Variants in ADGRG1 observed in about 807,000 individuals in gnomAD.
ADGRG1 encodes the protein adhesion G protein-coupled receptor G1.
A neutral mutation model predicts 73.5 loss-of-function variants in ADGRG1; 53 were observed. That is an observed-to-expected ratio of 0.72 (90% confidence interval 0.58 to 0.91). ADGRG1 has a LOEUF of 0.91. Ranked by LOEUF, ADGRG1 falls within the 40% of genes least tolerant of loss-of-function variation. The pLI is 0.00. For missense variants in ADGRG1, 795 were observed against 871.8 expected (o/e 0.91, Z 1.11); for synonymous variants, 394 against 374.4 (o/e 1.05, Z -0.60).
intron 2 of ADGRG1, 85 bp from the exon 3 acceptor site, chr16:57,651,115 A>G (rs1597456686): frequency 3.1e-6 from 5 of 1,605,560 alleles, no homozygotes; most frequent in Non-Finnish European, 4.2e-6. Context: ...CCAGGTTCAC[A>G]TGTACTCAGC....
At chr16:57,650,186 C>T (rs564354148) in intron 1 of ADGRG1, 67 bp from the exon 2 acceptor site, 3 of 1,571,138 alleles carry the variant, frequency 1.9e-6, no homozygotes, top group African/African-American at 2.7e-5. Context: ...CTGGCCTCCT[C>T]TTCTGCAGGG....
At chr16:57,623,476 C>A (rs2035258388), upstream of ADGRG1, among the ~76,000 whole-genome samples, 1 of 152,368 alleles carries the variant, frequency 6.6e-6, no homozygotes, top group Admixed American at 6.5e-5. Flanking sequence ...GTCATGCTCG[C>A]CCCTCCTGTG....
At chr16:57,650,108 G>T in intron 1 of ADGRG1, 145 bp from the exon 2 acceptor site, 2 of 1,486,638 alleles carry the variant, frequency 1.3e-6, no homozygotes, top group African/African-American at 1.4e-5. Context: ...GCCTCTGGCC[G>T]CTCTGGGGAG....
Position 57,654,153 on chromosome 16 carries a change from A to C in ADGRG1, c.768+20A>C, listed in dbSNP as rs756715901. The stretch of plus-strand genomic sequence containing the variant: ...CAGGAGGTCAGGGGCAGGCCTGGGC[A>C]GGAAGCAGATGCGGGTTGGGCCGGG... On this transcript the variant is annotated intron_variant, in intron 5 of 13. Transcript: ENST00000562631. The C allele has an allele frequency of 6.2e-7, 1 of 1,607,088 alleles. No individual in the cohort carries two copies. Among genetic ancestry groups the C allele is most frequent in the Admixed American group, 1.7e-5 (1 of 59,952 alleles).
chr16:57,657,673 G>A (rs1186272674), intron 10 of ADGRG1, among the ~76,000 whole-genome samples, 182 bp downstream of exon 10: 2 of 152,234 alleles, frequency 1.3e-5, no homozygotes, highest in Non-Finnish European at 2.9e-5. Context: ...GATCAGTGGT[G>A]TTTGGATAAC....
chr16:57,657,717 A>G (rs539948096), intron 10 of ADGRG1, among the ~76,000 whole-genome samples: 45 of 152,126 alleles, frequency 3.0e-4, no homozygotes, highest in Non-Finnish European at 5.1e-4. Context: ...TCGACATTGT[A>G]TTTATTTATT....
upstream of ADGRG1, chr16:57,625,448 T>C: frequency 3.1e-6 from 1 of 324,048 alleles, no homozygotes; most frequent in Non-Finnish European, 4.4e-6. Flanking sequence ...GGGTGGGGTG[T>C]CCCAGCCCTT....
chr16:57,640,802 G>T, intron 1 of ADGRG1: 1 of 780,744 alleles, frequency 1.3e-6, no homozygotes, highest in Non-Finnish European at 1.6e-6. Context: ...AGGGAGGGTT[G>T]GTGGCCAGCC....
At chr16:57,627,848 G>A (rs1449025465), upstream of ADGRG1, 1 of 984,752 alleles carries the variant, frequency 1.0e-6, no homozygotes, top group East Asian at 1.1e-4. Flanking sequence ...GGAATGACCA[G>A]AAGGGGGATG....
chr16:57,653,947 C>G, intron 4 of ADGRG1, 39 bp from the exon 5 acceptor site: 1 of 1,612,832 alleles, frequency 6.2e-7, no homozygotes, highest in South Asian at 1.1e-5. Flanking sequence ...TGGCCCGGCC[C>G]CCTCCCCACC....
At chr16:57,635,928 T>C (rs1234555194) in intron 1 of ADGRG1, 1 of 985,260 alleles carries the variant, frequency 1.0e-6, no homozygotes, top group Non-Finnish European at 1.2e-6. Flanking sequence ...GTGCATATCC[T>C]ATGGTTTGCA....
In ADGRG1 at chr16:57,651,652, C is replaced by A. The variant is rs751306915; in HGVS notation, c.487+30C>A. On this transcript the variant is annotated intron_variant, in intron 3 of 13. Transcript: ENST00000562631. ...GGCAACTTCCAGGCGGAGGGAACAA[C>A]TGGGCAGTGGTCTAGAGGCAGGGAA... is the stretch of plus-strand genomic sequence containing the variant. The A allele has an allele frequency of 5.0e-6, 8 of 1,604,030 alleles. No individual in the cohort carries two copies. The South Asian group carries it at 8.9e-5, about 18-fold the overall frequency.
At chr16:57,639,021 G>T (rs1325138009) in intron 1 of ADGRG1, among the ~76,000 whole-genome samples, 1 of 151,576 alleles carries the variant, frequency 6.6e-6, no homozygotes, top group African/African-American at 2.4e-5. Context: ...AGTGAGCTGA[G>T]ATCACGCCAC....
At position 57,630,928 on chromosome 16, in the gene ADGRG1, T is replaced by A. The variant is rs895005627; in HGVS notation, c.-36+2126T>A. 1.3e-4 allele frequency: 124 copies of A among 984,464 alleles called. 1 individual carries two copies. Among genetic ancestry groups the A allele is most frequent in the Middle Eastern group, 1.0e-3 (2 of 1,914 alleles). 61.0% of individuals were successfully genotyped at this position (984,464 alleles called of 1,614,324 possible). A position where few individuals can be genotyped will look rare whatever the true frequency, so the allele number is the denominator to read the frequency against. ...CGGACCCCTGGCATGGGTCATTTCA[T>A]GGGACTTGATGAGCCAGGCCAGCAG... On this transcript the variant is annotated intron_variant, in intron 1 of 13. Coordinates refer to ENST00000562631, the MANE Select transcript of ADGRG1 (RefSeq NM_201525.4).
intron 1 of ADGRG1, chr16:57,636,521 G>A (rs1478030476): frequency 5.1e-6 from 5 of 985,214 alleles, no homozygotes; most frequent in Non-Finnish European, 1.2e-6. Flanking sequence ...AGATGCTGGA[G>A]AGTGGAGATG....
In ADGRG1 at chr16:57,644,720, C is replaced by T. The variant is rs942982980; in HGVS notation, c.-35-5533C>T. On this transcript the variant is annotated intron_variant, in intron 1 of 13. Coordinates refer to ENST00000562631, the MANE Select transcript of ADGRG1 (RefSeq NM_201525.4). The stretch of plus-strand genomic sequence containing the variant: ...CATGCACGGGCACACACTGATCACA[C>T]GCACTGGCACACACTGATCACACGT... Among the ~76,000 whole-genome samples the T allele has an allele frequency of 4.6e-4, 28 of 61,334 alleles. 2 individuals carry two copies. In the South Asian group the frequency reaches 6.9e-3, roughly 15 times the overall value. The allele number at this position is 61,334 out of a possible 152,430, so 40.2% of individuals were successfully genotyped here. A position where few individuals can be genotyped will look rare whatever the true frequency, so the allele number is the denominator to read the frequency against.
chr16:57,636,576 C>T, intron 1 of ADGRG1: 14 of 985,224 alleles, frequency 1.4e-5, no homozygotes, highest in Non-Finnish European at 1.7e-5. Flanking sequence ...CTACCCCTCA[C>T]ATAGCCTGAG....
rs1187453700 is a variant in ADGRG1 at position 57,656,627 on chromosome 16, C to T, written c.1167+10C>T. 1 of 1,515,884 alleles carries T rather than the reference C, an allele frequency of 6.6e-7. No homozygotes were observed. The highest frequency in any genetic ancestry group is 1.1e-5 in the South Asian group (1 of 89,148). 93.9% of individuals were successfully genotyped at this position (1,515,884 alleles called of 1,614,324 possible). A position where few individuals can be genotyped will look rare whatever the true frequency, so the allele number is the denominator to read the frequency against. On this transcript the variant is annotated intron_variant, in intron 9 of 13. Transcript: ENST00000562631. ...CTTTGCAGTGCTGATGGTGAGGGTCCCTGCTCCCACCTCGCAGCCACACCC... is the reference window on the plus strand; with the variant it reads ...CTTTGCAGTGCTGATGGTGAGGGTCTCTGCTCCCACCTCGCAGCCACACCC...
intron 1 of ADGRG1, chr16:57,633,593 G>A (rs952451528): frequency 1.2e-6 from 1 of 803,408 alleles, no homozygotes; most frequent in Non-Finnish European, 1.5e-6. Context: ...TCTACTGGCT[G>A]TGTGGCCTGG....
Sources: allele counts gnomAD v4.1 joint callset (sites outside exome capture counted in the v4.1 genomes callset), GRCh38; gene constraint gnomAD v4.1.1; transcripts MANE v1.5; gene names NCBI Gene and HGNC (gene_info 2026-07-23, HGNC 2026-07-21).